The following MCOLN2 variants were observed in gnomAD, a reference collection of about 807,000 sequenced individuals.
MCOLN2 encodes mucolipin TRP cation channel 2.
Under a neutral mutation model 67.5 loss-of-function variants are expected in MCOLN2, and 57 were observed. The ratio of observed to expected loss-of-function variants is 0.84; its 90% CI spans 0.68 to 1.05. The LOEUF is 1.05. Among genes scored for constraint, MCOLN2 ranks in the 50% least tolerant of loss-of-function variants. The pLI, the probability that MCOLN2 is intolerant of heterozygous loss-of-function variation, is 0.00. For missense variants in MCOLN2, 620 were observed against 678.8 expected, an observed-to-expected ratio of 0.91 and a Z score of 0.96; for synonymous variants, 246 against 233.3, an observed-to-expected ratio of 1.05 and a Z score of -0.50.
chr1:84,956,564 A>C lies in MCOLN2; in HGVS notation c.432T>G (p.Ile144Met). The C allele has an allele frequency of 3.1e-6, 5 of 1,603,282 alleles. No individual in the cohort carries two copies. Among genetic ancestry groups the C allele is most frequent in the Non-Finnish European group, 4.2e-6 (5 of 1,177,000 alleles). Reference protein sequence around the residue: ...AINQYHQLKDITLGTLGYGEN... With the variant: ...AINQYHQLKDMTLGTLGYGEN... Reference sequence around the variant, plus strand: ...CTCCATAACCAAGGGTCCCCAGGGTAATGTCCTTTAGCTGATGATACTATT... The same window carrying C: ...CTCCATAACCAAGGGTCCCCAGGGTCATGTCCTTTAGCTGATGATACTATT... The change falls in exon 4 of 14, where the codon ATT becomes ATG. Residue 144 changes from isoleucine to methionine, a missense_variant. Ile to Met is a conservative substitution (Grantham distance 10, BLOSUM62 1). Coordinates refer to ENST00000370608, the MANE Select transcript of MCOLN2 (RefSeq NM_153259.4).
chr1:84,972,417 A>C (rs1405432419), intron 1 of MCOLN2, among the ~76,000 whole-genome samples: 1 of 152,226 alleles, frequency 6.6e-6, no homozygotes, highest in East Asian at 1.9e-4. Flanking sequence ...ATATCAAAGA[A>C]AAAAAGCATA....
At chr1:84,930,611 C>T (rs1661360600) in intron 12 of MCOLN2, among the ~76,000 whole-genome samples, 1 of 152,122 alleles carries the variant, frequency 6.6e-6, no homozygotes, top group Non-Finnish European at 1.5e-5. Context: ...CTACCATTCC[C>T]ACCTGAACAC....
intron 2 of MCOLN2, among the ~76,000 whole-genome samples, chr1:84,963,278 GCTAA>G (rs1452241761): frequency 6.6e-6 from 1 of 152,194 alleles, no homozygotes; most frequent in Non-Finnish European, 1.5e-5. Flanking sequence ...CAAACACTAA[GCTAA>G]CTGTTAGCTG....
chr1:84,949,608 G>A (rs940912370), intron 6 of MCOLN2, among the ~76,000 whole-genome samples: 4 of 152,128 alleles, frequency 2.6e-5, no homozygotes, highest in Non-Finnish European at 5.9e-5. Flanking sequence ...GCCACTGCAT[G>A]CACTCCAGCC....
At chr1:84,944,446 T>A (rs745949508) in intron 7 of MCOLN2, among the ~76,000 whole-genome samples, 1 of 151,644 alleles carries the variant, frequency 6.6e-6, no homozygotes, top group East Asian at 1.9e-4. Context: ...GGCAGAAGAA[T>A]TGCTTGAACC....
Position 84,996,941 on chromosome 1 carries a change from A to C in MCOLN2, c.-69T>G. The C allele has an allele frequency of 4.2e-6, 6 of 1,412,792 alleles. No homozygotes were observed. Among genetic ancestry groups the C allele is most frequent in the South Asian group, 1.2e-5 (1 of 85,952 alleles). 87.5% of individuals were successfully genotyped at this position (1,412,792 alleles called of 1,614,324 possible). On this transcript the variant is annotated 5_prime_UTR_variant, in exon 1 of 14. The change abolishes an upstream ATG in the 5' untranslated region. Coordinates refer to ENST00000370608, the MANE Select transcript of MCOLN2 (RefSeq NM_153259.4). Reference sequence around the variant, plus strand: ...AGGAAACACCGTTCACGGCCGACTCATTTCGCCCTCGCCGTAACGCGTCCG... The same window carrying C: ...AGGAAACACCGTTCACGGCCGACTCCTTTCGCCCTCGCCGTAACGCGTCCG...
chr1:84,985,243 C>T (rs1043661290), intron 1 of MCOLN2, among the ~76,000 whole-genome samples: 1 of 152,146 alleles, frequency 6.6e-6, no homozygotes, highest in Non-Finnish European at 1.5e-5. Flanking sequence ...CCATTTCTTG[C>T]TATAGATTCT....
At chr1:84,937,189 C>T (rs1014031397) in intron 11 of MCOLN2, among the ~76,000 whole-genome samples, 60 of 152,202 alleles carry the variant, frequency 3.9e-4, no homozygotes, top group African/African-American at 1.4e-3. Context: ...CTTTGATGTC[C>T]CTGAGATTAT....
chr1:84,933,089 C>A (rs17117583), intron 11 of MCOLN2, among the ~76,000 whole-genome samples: 2,682 of 152,260 alleles, frequency 0.018, 98 homozygotes, highest in African/African-American at 0.061. Flanking sequence ...GGAATTTATT[C>A]TCCTCACCTG....
At chr1:84,940,672 T>C (rs1647718944) in intron 8 of MCOLN2, among the ~76,000 whole-genome samples, 1 of 152,358 alleles carries the variant, frequency 6.6e-6, no homozygotes, top group East Asian at 1.9e-4. Context: ...AGGATAATTA[T>C]CTGATCCCAC....
Position 84,941,107 on chromosome 1 carries a change from C to G in MCOLN2, c.848-116G>C, listed in dbSNP as rs556894439. ...ATAAATGTTTTGTCTATTGTTAAAACAAAATGGTAAATATCAGAAACAAAT... is the reference window on the plus strand; with the variant it reads ...ATAAATGTTTTGTCTATTGTTAAAAGAAAATGGTAAATATCAGAAACAAAT... On this transcript the variant is annotated intron_variant, in intron 7 of 13. Transcript: ENST00000370608. 1.4e-4 allele frequency: 96 copies of G among 662,838 alleles called. No homozygotes were observed. The African/African-American group carries it at 1.7e-3, about 12-fold the overall frequency. The allele number at this position is 662,838 out of a possible 1,614,324, so 41.1% of individuals were successfully genotyped here. A position where few individuals can be genotyped will look rare whatever the true frequency, so the allele number is the denominator to read the frequency against.
chr1:84,974,852 G>A (rs547432025), intron 1 of MCOLN2, among the ~76,000 whole-genome samples: 2 of 152,232 alleles, frequency 1.3e-5, no homozygotes, highest in South Asian at 4.1e-4. Flanking sequence ...ATGACAAGCT[G>A]ACTTAAGAGA....
rs762048404 is a variant in MCOLN2 at position 84,943,948 on chromosome 1, AT to A, written c.848-2958del. Among the ~76,000 whole-genome samples the A allele has an allele frequency of 7.9e-5, 12 of 152,172 alleles. No homozygotes were observed. In the East Asian group the frequency reaches 1.4e-3, roughly 17 times the overall value. The stretch of plus-strand genomic sequence containing the variant: ...CAACTTAGCTCTATCATAATGCAAG[AT>A]TTTTTTTCCCCTTGGATCCATGGAA... On this transcript the variant is annotated intron_variant, in intron 7 of 13. Transcript: ENST00000370608.
chr1:84,978,823 T>C (rs114187199), intron 1 of MCOLN2, among the ~76,000 whole-genome samples: 1,965 of 151,990 alleles, frequency 0.013, 44 homozygotes, highest in African/African-American at 0.045. Context: ...CACACACACA[T>C]ATACATATAT....
At chr1:84,965,781 C>T in intron 1 of MCOLN2, 73 bp from the exon 2 acceptor site, 1 of 1,466,348 alleles carries the variant, frequency 6.8e-7, no homozygotes. Flanking sequence ...ACTTGCTTTC[C>T]CTAAACTTGA....
chr1:84,970,307 A>G (rs932221352), intron 1 of MCOLN2, among the ~76,000 whole-genome samples: 3 of 147,610 alleles, frequency 2.0e-5, no homozygotes, highest in Non-Finnish European at 4.5e-5. Flanking sequence ...GGTGAGAAAC[A>G]CTGAACTGAA....
At chr1:84,950,484 G>A (rs1648364773) in intron 6 of MCOLN2, among the ~76,000 whole-genome samples, 1 of 152,114 alleles carries the variant, frequency 6.6e-6, no homozygotes, top group South Asian at 2.1e-4. Flanking sequence ...TTTTCTATTT[G>A]TTTCAAGAGC....
chr1:84,964,866 G>C (rs1237620560), intron 2 of MCOLN2, among the ~76,000 whole-genome samples: 1 of 133,762 alleles, frequency 7.5e-6, no homozygotes, highest in Non-Finnish European at 1.6e-5. Flanking sequence ...GCAAGCCATG[G>C]GGAGCAGCTA....
intron 1 of MCOLN2, among the ~76,000 whole-genome samples, chr1:84,970,439 G>A (rs993550988): frequency 6.6e-6 from 1 of 151,690 alleles, no homozygotes; most frequent in Admixed American, 6.6e-5. Flanking sequence ...GGAGGGTGAG[G>A]TGGGTGGATC....
Sources: gnomAD v4.1 joint callset for allele counts (sites outside exome capture counted in the v4.1 genomes callset) on GRCh38, gnomAD v4.1.1 for gene constraint, MANE v1.5 for transcripts, NCBI Gene and HGNC (gene_info 2026-07-23, HGNC 2026-07-21) for gene names.